The following NKAIN3 variants were observed in gnomAD, a reference collection of about 807,000 sequenced individuals.
The protein encoded by NKAIN3 is sodium/potassium transporting ATPase interacting 3, also known as sodium/potassium-transporting ATPase subunit beta-1-interacting protein 3.
NKAIN3 carries 25 observed loss-of-function variants against 30.2 expected under a neutral mutation model. That is an observed-to-expected ratio of 0.83 (90% CI 0.60 to 1.16). The LOEUF (loss-of-function observed/expected upper bound fraction) is 1.16. NKAIN3 is among the 50% of genes most tolerant of loss of function. The probability of loss-of-function intolerance (pLI) is 0.00; values close to 1 mark genes in which losing one functional copy is unlikely to be tolerated. For synonymous variants in NKAIN3, 91 were observed against 89.6 expected, an observed-to-expected ratio of 1.02 and a Z score of -0.09; for missense variants, 225 against 254.1, an observed-to-expected ratio of 0.89 and a Z score of 0.78.
intron 1 of NKAIN3, among the ~76,000 whole-genome samples, chr8:62,330,141 C>G (rs577549405): frequency 5.9e-5 from 9 of 151,894 alleles, no homozygotes; most frequent in Admixed American, 5.9e-4. Flanking sequence ...AAGGGTGAGC[C>G]AAGGTTGAGG....
In NKAIN3 at chr8:62,848,200, G is replaced by C. The variant is rs1038545708; in HGVS notation, c.472-70253G>C. Among the ~76,000 whole-genome samples the C allele has an allele frequency of 3.9e-5, 6 of 151,990 alleles. 1 individual carries two copies. Among genetic ancestry groups the C allele is most frequent in the Admixed American group, 3.9e-4 (6 of 15,230 alleles). Reference sequence around the variant, plus strand: ...TTATGAATTTTAAAATAGTTTTTCTGATTCTGTGAAGTATGTCAATGGTAG... The same window carrying C: ...TTATGAATTTTAAAATAGTTTTTCTCATTCTGTGAAGTATGTCAATGGTAG... On this transcript the variant is annotated intron_variant, in intron 4 of 6. Transcript: ENST00000623646.
chr8:62,650,323 C>A (rs55665921), intron 3 of NKAIN3, among the ~76,000 whole-genome samples: 12 of 152,134 alleles, frequency 7.9e-5, no homozygotes, highest in African/African-American at 1.2e-4. Context: ...AGTAACAATG[C>A]TCTAATTGGT....
At chr8:62,275,282 G>C (rs538927565) in intron 1 of NKAIN3, among the ~76,000 whole-genome samples, 63 of 152,130 alleles carry the variant, frequency 4.1e-4, no homozygotes, top group African/African-American at 1.4e-3. Flanking sequence ...TTTAATGATT[G>C]CATTCTAACT....
intron 1 of NKAIN3, among the ~76,000 whole-genome samples, chr8:62,426,276 A>T (rs1384441935): frequency 2.0e-5 from 3 of 151,942 alleles, no homozygotes; most frequent in African/African-American, 7.2e-5. Context: ...AAATTTGACA[A>T]TGGGTATTTT....
At chr8:62,583,004 C>T (rs982492524) in intron 2 of NKAIN3, among the ~76,000 whole-genome samples, 5 of 152,174 alleles carry the variant, frequency 3.3e-5, no homozygotes, top group Non-Finnish European at 5.9e-5. Flanking sequence ...AATATTTCCT[C>T]AGTCTCTCAT....
intron 4 of NKAIN3, among the ~76,000 whole-genome samples, chr8:62,777,348 AT>A (rs892980826): frequency 6.0e-5 from 9 of 151,160 alleles, no homozygotes; most frequent in African/African-American, 1.9e-4. Flanking sequence ...TCCTTTGAGG[AT>A]TTTTTTTTAT....
chr8:62,614,277 T>A (rs538260624), intron 3 of NKAIN3, among the ~76,000 whole-genome samples: 1 of 152,322 alleles, frequency 6.6e-6, no homozygotes, highest in South Asian at 2.1e-4. Context: ...GCCTTGATTA[T>A]CCTGAATCAA....
At chr8:62,410,789 A>G (rs1214159449) in intron 1 of NKAIN3, among the ~76,000 whole-genome samples, 1 of 152,192 alleles carries the variant, frequency 6.6e-6, no homozygotes, top group Non-Finnish European at 1.5e-5. Flanking sequence ...CTGAAAACAC[A>G]TAATGTCCCA....
At chr8:62,446,499 AAG>A (rs1416575648) in intron 1 of NKAIN3, among the ~76,000 whole-genome samples, 2 of 152,108 alleles carry the variant, frequency 1.3e-5, no homozygotes, top group Admixed American at 1.3e-4. Context: ...AACCATTTTT[AAG>A]TGTACACTCC....
chr8:62,955,535 GA>G (rs541512320), intron 6 of NKAIN3, among the ~76,000 whole-genome samples: 26 of 147,740 alleles, frequency 1.8e-4, no homozygotes, highest in South Asian at 1.5e-3. Context: ...TCTCCACTGT[GA>G]AAAAAAAAAC....
At chr8:62,792,597 C>A (rs1271104439) in intron 4 of NKAIN3, among the ~76,000 whole-genome samples, 1 of 12,536 alleles carries the variant, frequency 8.0e-5, no homozygotes, top group Non-Finnish European at 2.2e-4. Context: ...GTAAGACAGA[C>A]CTTCAACAGG....
chr8:62,856,571 G>T (rs552058734), intron 4 of NKAIN3: 1 of 785,530 alleles, frequency 1.3e-6, no homozygotes, highest in Non-Finnish European at 2.3e-6. Flanking sequence ...TTGCCATGGG[G>T]TTGTCTTCAT....
chr8:62,378,047 A>G (rs1437942622), intron 1 of NKAIN3, among the ~76,000 whole-genome samples: 1 of 152,156 alleles, frequency 6.6e-6, no homozygotes, highest in Non-Finnish European at 1.5e-5. Context: ...AGTTGGGAAC[A>G]TTTTAGAGAC....
At chr8:62,636,302 T>C (rs1812125730) in intron 3 of NKAIN3, among the ~76,000 whole-genome samples, 1 of 152,166 alleles carries the variant, frequency 6.6e-6, no homozygotes, top group African/African-American at 2.4e-5. Flanking sequence ...GACATACTCA[T>C]TTTTTGAGTT....
Position 62,431,193 on chromosome 8 carries a change from T to G in NKAIN3, c.55-148346T>G, listed in dbSNP as rs188735054. ...TCTGAATCAAAGATTTATATCTTGT[T>G]GGATTTCTTTTATTCTAGTCATTAG... On this transcript the variant is annotated intron_variant, in intron 1 of 6. Transcript: ENST00000623646. Among the ~76,000 whole-genome samples the G allele has an allele frequency of 2.5e-3, 381 of 152,092 alleles. 1 individual carries two copies. Among genetic ancestry groups the G allele is most frequent in the Non-Finnish European group, 2.7e-3 (183 of 67,864 alleles).
At chr8:62,695,418 T>C (rs1464578747) in intron 3 of NKAIN3, among the ~76,000 whole-genome samples, 1 of 152,158 alleles carries the variant, frequency 6.6e-6, no homozygotes, top group East Asian at 1.9e-4. Flanking sequence ...TAAACGGGTA[T>C]TGAGATAATC....
At chr8:62,650,004 C>T (rs1453699308) in intron 3 of NKAIN3, among the ~76,000 whole-genome samples, 1 of 152,132 alleles carries the variant, frequency 6.6e-6, no homozygotes, top group Admixed American at 6.6e-5. Context: ...AGACTCCCCA[C>T]CTACCTGAGC....
chr8:62,809,061 A>G (rs543062121), intron 4 of NKAIN3, among the ~76,000 whole-genome samples: 3 of 152,292 alleles, frequency 2.0e-5, no homozygotes, highest in African/African-American at 7.2e-5. Context: ...AAAAGAATTC[A>G]GTGATATTTC....
rs1315756681 is a variant in NKAIN3, at chr8:62,856,845, T to G, written c.472-61608T>G. 6 of 602,842 alleles carry G rather than the reference T, an allele frequency of 1.0e-5. No individual in the cohort carries two copies. The Admixed American group carries it at 1.4e-4, about 15-fold the overall frequency. The allele number at this position is 602,842 out of a possible 1,614,324, so 37.3% of individuals were successfully genotyped here. ...TATAGAGCATCACTGCCAAGAGATCTCAAACACTGTTTATGATCTTACTGA... is the reference window on the plus strand; with the variant it reads ...TATAGAGCATCACTGCCAAGAGATCGCAAACACTGTTTATGATCTTACTGA... On this transcript the variant is annotated intron_variant, in intron 4 of 6. Transcript: ENST00000623646.
Sources: allele counts gnomAD v4.1 joint callset (sites outside exome capture counted in the v4.1 genomes callset), GRCh38; gene constraint gnomAD v4.1.1; transcripts MANE v1.5; gene names NCBI Gene and HGNC (gene_info 2026-07-23, HGNC 2026-07-21).